The following UNC45A variants were observed in gnomAD, a reference collection of about 807,000 sequenced individuals.
The protein encoded by UNC45A is unc-45 myosin chaperone A.
Under a neutral mutation model 103.2 loss-of-function variants are expected in UNC45A, and 78 were observed. That is an observed-to-expected ratio of 0.76 (90% CI 0.63 to 0.91). The LOEUF (loss-of-function observed/expected upper bound fraction) is 0.91, where lower values mean the gene tolerates loss of function less well. UNC45A is among the 40% of genes least tolerant of loss of function. The pLI, the probability that UNC45A is intolerant of heterozygous loss-of-function variation, is 0.00. For synonymous variants in UNC45A, 495 were observed against 504.6 expected (o/e 0.98, Z 0.25); for missense variants, 1,193 against 1,224.8 (o/e 0.97, Z 0.39).
chr15:90,932,632 G>A (rs2151349657), upstream of UNC45A: 2 of 789,006 alleles, frequency 2.5e-6, no homozygotes, highest in Non-Finnish European at 1.7e-6. Flanking sequence ...GGATCGTGGA[G>A]GCTAATTCAG....
Position 90,948,641 on chromosome 15 carries a change from T to C in UNC45A, c.1738-13T>C, listed in dbSNP as rs1338981116. ...CCCGGGATGCCCATGTGAATTCCTC[T>C]GTGTCCTGGCAGTTGGAGGAGAGGT... On this transcript the variant is annotated splice_polypyrimidine_tract_variant and intron_variant, in intron 12 of 19. Transcript: ENST00000418476. 6.2e-7 allele frequency: 1 copy of C among 1,612,960 alleles called. No homozygotes were observed. The highest frequency in any genetic ancestry group is 2.2e-5 in the East Asian group (1 of 44,828).
intron 10 of UNC45A, chr15:90,947,347 G>A (rs903889208): frequency 6.7e-5 from 17 of 255,200 alleles, no homozygotes; most frequent in African/African-American, 1.5e-4. Context: ...CCCTCCATGA[G>A]CCTGTTGTGG....
Position 90,946,728 on chromosome 15 carries a change from C to T in UNC45A, c.1314C>T (p.Val438=), listed in dbSNP as rs144064658. 433 of 1,613,742 alleles carry T rather than the reference C, an allele frequency of 2.7e-4. No individual in the cohort carries two copies. The African/African-American group carries it at 5.2e-3, about 19-fold the overall frequency. The part of the protein sequence containing the change: ...AGNRALELSG[V]MESVIALCAS... ...ACCGGGCCTTGGAGCTGAGCGGTGT[C>T]ATGGAGAGTGTGATTGCTCTGTGTG... Residue 438 remains valine (V), a synonymous_variant, in exon 10 of 20, where the codon GTC becomes GTT. Coordinates refer to ENST00000418476, the MANE Select transcript of UNC45A (RefSeq NM_018671.5).
At chr15:90,942,712 G>T (rs2036357517) in intron 7 of UNC45A, 107 bp downstream of exon 7, 1 of 1,569,086 alleles carries the variant, frequency 6.4e-7, no homozygotes, top group African/African-American at 1.4e-5. Flanking sequence ...GCTGCAGGTT[G>T]TTTGGAATAC....
intron 3 of UNC45A, 109 bp from the exon 4 acceptor site, chr15:90,936,176 C>T (rs1417094477): frequency 5.2e-6 from 8 of 1,526,330 alleles, no homozygotes; most frequent in Non-Finnish European, 7.0e-6. Flanking sequence ...CCGAGCCCCA[C>T]ATTCGTCCCC....
At chr15:90,947,596 G>A (rs2036639537) in intron 10 of UNC45A, 200 bp from the exon 11 acceptor site, 1 of 593,752 alleles carries the variant, frequency 1.7e-6, no homozygotes, top group Non-Finnish European at 3.0e-6. Context: ...TGCAGATGCT[G>A]TGTCATGCGG....
chr15:90,948,097 G>T, intron 11 of UNC45A, 45 bp from the exon 12 acceptor site: 1 of 1,609,616 alleles, frequency 6.2e-7, no homozygotes, highest in Non-Finnish European at 8.5e-7. Flanking sequence ...GTACCCCTCC[G>T]TACCCCCAAT....
chr15:90,946,988 T>C (rs2036609618), intron 10 of UNC45A, 74 bp downstream of exon 10: 1 of 1,521,440 alleles, frequency 6.6e-7, no homozygotes, highest in Non-Finnish European at 8.9e-7. Flanking sequence ...TTGCAGGGTG[T>C]GGCCCCAGCA....
upstream of UNC45A, chr15:90,932,710 A>G: frequency 2.5e-6 from 1 of 405,726 alleles, no homozygotes; most frequent in Non-Finnish European, 4.3e-6. Flanking sequence ...AGAGCAAGTG[A>G]TGTGGACAGC....
chr15:90,932,194 C>T (rs986480631), upstream of UNC45A: 10 of 1,415,884 alleles, frequency 7.1e-6, no homozygotes, highest in East Asian at 2.4e-5. Flanking sequence ...CCAGATGTGG[C>T]CCCTTGTGGA....
Position 90,942,579 on chromosome 15 carries a change from G to C in UNC45A, c.830G>C (p.Arg277Pro), listed in dbSNP as rs1459316412. ...AAGGAAGGTGTCAAAAAAGGCTTCC[G>C]AGGCAAAGAAGGTGCCATCATTGTG... ...ALKEGVKKGFRGKEGAIIVDP... is the reference protein window; with the variant it reads ...ALKEGVKKGFPGKEGAIIVDP... The change falls in exon 7 of 20, where the codon CGA (arginine) becomes CCA (proline). Residue 277 changes from arginine (R) to proline (P), a missense_variant. Coordinates refer to ENST00000418476, the MANE Select transcript of UNC45A (RefSeq NM_018671.5). The C allele has an allele frequency of 1.2e-6, 2 of 1,614,162 alleles. No individual in the cohort carries two copies. Among genetic ancestry groups the C allele is most frequent in the African/African-American group, 1.3e-5 (1 of 75,046 alleles).
upstream of UNC45A, chr15:90,935,261 C>A: frequency 6.6e-7 from 1 of 1,511,086 alleles, no homozygotes. Context: ...CGGTGGCGTC[C>A]CGAACCCAGA....
chr15:90,949,867 C>G, intron 15 of UNC45A, 147 bp downstream of exon 15: 2 of 905,228 alleles, frequency 2.2e-6, no homozygotes, highest in South Asian at 1.5e-5. Context: ...GAGAGAGTGA[C>G]GCGGAAGCAG....
chr15:90,935,289 A>G lies in UNC45A; in HGVS notation c.-36A>G. ...AACCCAGACTCGCCCCGCCCCAGAG[A>G]CTGCGCCTGCGCGGGCACGAGACAA... On this transcript the variant is annotated 5_prime_UTR_variant, in exon 1 of 20. Transcript: ENST00000418476. The G allele has an allele frequency of 2.5e-6, 4 of 1,584,016 alleles. No individual in the cohort carries two copies. The highest frequency in any genetic ancestry group is 3.3e-4 in the Middle Eastern group (2 of 6,026).
At chr15:90,931,331 G>A (rs1480411283), upstream of UNC45A, 6 of 1,551,764 alleles carry the variant, frequency 3.9e-6, no homozygotes, top group South Asian at 1.2e-5. Flanking sequence ...TCCAGTTGCC[G>A]GTTTGTTCCC....
chr15:90,952,707 G>A (rs1226664896), intron 17 of UNC45A: 2 of 544,154 alleles, frequency 3.7e-6, no homozygotes, highest in Non-Finnish European at 6.6e-6. Context: ...TTACAGGCGT[G>A]AGCCTCCACG....
At position 90,950,277 on chromosome 15, in the gene UNC45A, T is replaced by C. The variant is rs1018403748; in HGVS notation, c.2187+10T>C. The C allele has an allele frequency of 4.5e-6, 7 of 1,551,480 alleles. No individual in the cohort carries two copies. The African/African-American group carries it at 8.2e-5, about 18-fold the overall frequency. Reference sequence around the variant, plus strand: ...CTTCCCTGGCGAGCGGGTACGTGTCTTCCTGCCCCGGCCTTTCCACTCCCT... The same window carrying C: ...CTTCCCTGGCGAGCGGGTACGTGTCCTCCTGCCCCGGCCTTTCCACTCCCT... On this transcript the variant is annotated intron_variant, in intron 16 of 19. Transcript: ENST00000418476.
upstream of UNC45A, chr15:90,932,555 C>A (rs1342814125): frequency 1.7e-5 from 21 of 1,244,128 alleles, no homozygotes; most frequent in East Asian, 3.1e-5. Flanking sequence ...CGGATGGGGC[C>A]GACGACTGCG....
Position 90,953,801 on chromosome 15 carries a change from G to C in UNC45A, c.*85G>C. 6.5e-7 allele frequency: 1 copy of C among 1,526,782 alleles called. No homozygotes were observed. Among genetic ancestry groups the C allele is most frequent in the Non-Finnish European group, 8.8e-7 (1 of 1,131,542 alleles). The allele number at this position is 1,526,782 out of a possible 1,614,324, so 94.6% of individuals were successfully genotyped here. ...AGGACGGAAGCAGCTTTGGCTGGTG[G>C]TGGCTGGCATGCCCAATACTCTTGC... On this transcript the variant is annotated 3_prime_UTR_variant, in exon 20 of 20. Coordinates refer to ENST00000418476, the MANE Select transcript of UNC45A (RefSeq NM_018671.5).
Sources: gnomAD v4.1 joint callset for allele counts on GRCh38, gnomAD v4.1.1 for gene constraint, MANE v1.5 for transcripts, NCBI Gene and HGNC (gene_info 2026-07-23, HGNC 2026-07-21) for gene names.